The following TJP1 variants were observed in gnomAD, a reference collection of about 807,000 sequenced individuals.
TJP1 encodes the protein tight junction protein ZO-1.
Under a neutral mutation model 194.2 loss-of-function variants are expected in TJP1, and 43 were observed. The observed-to-expected ratio is 0.22, with a 90% CI of 0.17 to 0.29. The LOEUF is 0.29. TJP1 is among the 10% of genes least tolerant of loss of function. The pLI, the probability that TJP1 is intolerant of heterozygous loss-of-function variation, is 1.00. For synonymous variants in TJP1, 801 were observed against 779.0 expected (o/e 1.03, Z -0.47); for missense variants, 1,971 against 2,185.7 (o/e 0.90, Z 1.96).
intron 2 of TJP1, among the ~76,000 whole-genome samples, chr15:29,904,102 T>C (rs2053725939): frequency 6.6e-6 from 1 of 152,102 alleles, no homozygotes; most frequent in African/African-American, 2.4e-5. Context: ...ATAGATGTGT[T>C]TGGATAAAGG....
Position 29,717,935 on chromosome 15 carries a change from C to A in TJP1, c.3974+86G>T, listed in dbSNP as rs2042666785. The A allele has an allele frequency of 2.6e-6, 3 of 1,162,184 alleles. No homozygotes were observed. The East Asian group carries it at 7.1e-5, about 27-fold the overall frequency. 72.0% of individuals were successfully genotyped at this position (1,162,184 alleles called of 1,614,324 possible). A position where few individuals can be genotyped will look rare whatever the true frequency, so the allele number is the denominator to read the frequency against. On this transcript the variant is annotated intron_variant, in intron 22 of 27. Transcript: ENST00000614355. ...TCCTCCTATTCACACCTCTCCTCTA[C>A]TAACACAGTAAAAGGTTTTCTTATT...
intron 2 of TJP1, among the ~76,000 whole-genome samples, chr15:29,947,635 G>T (rs1234755590): frequency 6.6e-6 from 1 of 152,128 alleles, no homozygotes; most frequent in African/African-American, 2.4e-5. Flanking sequence ...ACAGAAAATG[G>T]CAATGTGATG....
rs2042713502 is a variant in TJP1 at position 29,718,511 on chromosome 15, C to T, written c.3631G>A (p.Ala1211Thr). ...QVPPQGFTSR[A>T]GHFEPLHGAA... ...CCATGGAGAGGCTCAAAATGACCTG[C>T]TCTAGAGGTAAATCCTTGGGGTGGT... The change falls in exon 21 of 28, where the codon GCA becomes ACA. Residue 1211 changes from alanine (A) to threonine (T), a missense_variant. This residue lies in a region of TJP1 where 1,108 missense variants were observed against 1,128.5 expected (regional missense o/e 0.98). Transcript: ENST00000614355. The T allele has an allele frequency of 1.2e-6, 2 of 1,614,038 alleles. No homozygotes were observed. Among genetic ancestry groups the T allele is most frequent in the Non-Finnish European group, 1.7e-6 (2 of 1,180,042 alleles).
At chr15:29,763,833 C>T (rs770202822) in intron 5 of TJP1, among the ~76,000 whole-genome samples, 1 of 151,700 alleles carries the variant, frequency 6.6e-6, no homozygotes, top group Admixed American at 6.6e-5. Context: ...AAAGAGTACT[C>T]ACAGCCAGAA....
downstream of TJP1, chr15:29,700,054 T>G: frequency 2.7e-6 from 1 of 375,324 alleles, no homozygotes; most frequent in East Asian, 3.8e-5. Flanking sequence ...AGGTGGTAGG[T>G]GACGCTGGGT....
At chr15:29,759,982 A>G in intron 8 of TJP1, 3 of 482,582 alleles carry the variant, frequency 6.2e-6, no homozygotes, top group Non-Finnish European at 1.1e-5. Context: ...TGTACCCAGA[A>G]GTGGAATTGC....
At chr15:29,786,585 A>C (rs1190569342) in intron 2 of TJP1, among the ~76,000 whole-genome samples, 1 of 152,134 alleles carries the variant, frequency 6.6e-6, no homozygotes, top group Non-Finnish European at 1.5e-5. Flanking sequence ...CTGTAACCTC[A>C]AACTCCTGGG....
At chr15:29,964,532 A>G (rs1258879785) in intron 1 of TJP1, among the ~76,000 whole-genome samples, 1 of 152,286 alleles carries the variant, frequency 6.6e-6, no homozygotes, top group Non-Finnish European at 1.5e-5. Context: ...GCAAGGAAGG[A>G]TCCTCCCCTA....
chr15:29,810,435 AGT>A (rs2049411060), intron 1 of TJP1, among the ~76,000 whole-genome samples: 1 of 152,228 alleles, frequency 6.6e-6, no homozygotes, highest in South Asian at 2.1e-4. Context: ...GATATTAAGT[AGT>A]ATTTCCATGA....
intron 2 of TJP1, among the ~76,000 whole-genome samples, chr15:29,928,211 A>G (rs913200381): frequency 6.6e-6 from 1 of 152,200 alleles, no homozygotes; most frequent in Non-Finnish European, 1.5e-5. Flanking sequence ...ATATTCAACA[A>G]GATAAAAGAT....
intron 2 of TJP1, among the ~76,000 whole-genome samples, chr15:29,849,660 A>G (rs1263717747): frequency 6.6e-6 from 1 of 151,044 alleles, no homozygotes; most frequent in Non-Finnish European, 1.5e-5. Flanking sequence ...AATTGCTTGA[A>G]CCCGGGAGTC....
intron 1 of TJP1, among the ~76,000 whole-genome samples, chr15:29,801,530 C>T (rs1370703370): frequency 1.3e-5 from 2 of 148,896 alleles, no homozygotes; most frequent in Non-Finnish European, 3.0e-5. Flanking sequence ...GGCGGGATCT[C>T]GGCTCACTGC....
In TJP1 at chr15:29,734,184, A is replaced by G. The variant is rs890566597; in HGVS notation, c.1516+90T>C. 108 of 853,844 alleles carry G rather than the reference A, an allele frequency of 1.3e-4. No individual in the cohort carries two copies. In the East Asian group the frequency reaches 2.7e-3, roughly 22 times the overall value. The allele number at this position is 853,844 out of a possible 1,614,324, so 52.9% of individuals were successfully genotyped here. On this transcript the variant is annotated intron_variant, in intron 12 of 27. Coordinates refer to ENST00000614355, the MANE Select transcript of TJP1 (RefSeq NM_001330239.4). ...CAAATTCATTCATCACTCAACTATG[A>G]GTGACTTATTTTTTAAAAATGGAAT...
intron 8 of TJP1, among the ~76,000 whole-genome samples, chr15:29,755,180 T>C (rs2045565873): frequency 6.6e-6 from 1 of 152,154 alleles, no homozygotes; most frequent in African/African-American, 2.4e-5. Flanking sequence ...GCTGTACAGG[T>C]TTGTAGCCTA....
At chr15:29,724,850 G>A (rs2043147424) in intron 18 of TJP1, among the ~76,000 whole-genome samples, 1 of 152,088 alleles carries the variant, frequency 6.6e-6, no homozygotes, top group South Asian at 2.1e-4. Context: ...CTAGAAAGTT[G>A]GACCTTTATT....
chr15:29,935,800 C>T (rs1323694977), intron 2 of TJP1, among the ~76,000 whole-genome samples: 5 of 152,056 alleles, frequency 3.3e-5, no homozygotes, highest in African/African-American at 4.8e-5. Flanking sequence ...CACCTTTAAT[C>T]ACAACTATTT....
chr15:29,956,524 C>T (rs980372206), intron 1 of TJP1, among the ~76,000 whole-genome samples: 4 of 152,202 alleles, frequency 2.6e-5, no homozygotes, highest in African/African-American at 9.6e-5. Flanking sequence ...CTATCAGATA[C>T]CCTTTCTAAC....
chr15:29,745,990 T>C (rs771600647), intron 8 of TJP1, among the ~76,000 whole-genome samples: 1 of 152,182 alleles, frequency 6.6e-6, no homozygotes, highest in Non-Finnish European at 1.5e-5. Flanking sequence ...AGTTGGTGGA[T>C]TTGATCTATT....
At chr15:29,811,383 T>C (rs1178080326) in intron 1 of TJP1, among the ~76,000 whole-genome samples, 1 of 132,576 alleles carries the variant, frequency 7.5e-6, no homozygotes, top group Non-Finnish European at 1.5e-5. Context: ...GGGGGTATGA[T>C]ACTTAGGAGG....
Sources: allele counts gnomAD v4.1 joint callset (sites outside exome capture counted in the v4.1 genomes callset), GRCh38; gene constraint gnomAD v4.1.1; regional missense constraint gnomAD v4.1.1; transcripts MANE v1.5; gene names NCBI Gene and HGNC (gene_info 2026-07-23, HGNC 2026-07-21).